The following PLCG1 variants were observed in gnomAD, a reference collection of about 807,000 sequenced individuals.
PLCG1 encodes 1-phosphatidylinositol 4,5-bisphosphate phosphodiesterase gamma-1.
In PLCG1, 71 loss-of-function variants were observed where a neutral mutation model predicts 177.8. The observed-to-expected ratio is 0.40, with a 90% CI of 0.33 to 0.49. The LOEUF (loss-of-function observed/expected upper bound fraction) is 0.49, where lower values mean the gene tolerates loss of function less well. Ranked by LOEUF, PLCG1 falls within the 20% of genes least tolerant of loss-of-function variation. The probability of loss-of-function intolerance (pLI) is 0.72; values close to 1 mark genes in which losing one functional copy is unlikely to be tolerated. For synonymous variants in PLCG1, 658 were observed against 647.9 expected (o/e 1.02, Z -0.24); for missense variants, 1,281 against 1,709.0 (o/e 0.75, Z 4.42).
chr20:41,168,700 T>C (rs2035786976), intron 20 of PLCG1, 67 bp from the exon 21 acceptor site: 2 of 949,246 alleles, frequency 2.1e-6, no homozygotes, highest in Admixed American at 1.9e-5. Flanking sequence ...TGTGTGCACA[T>C]GAAGCCCCAG....
chr20:41,166,832 G>C lies in PLCG1; in HGVS notation c.2274G>C (p.Glu758Asp). 6.2e-7 allele frequency: 1 copy of C among 1,614,158 alleles called. No individual in the cohort carries two copies. Among genetic ancestry groups the C allele is most frequent in the Non-Finnish European group, 8.5e-7 (1 of 1,180,040 alleles). ...RKMKLRYPIN[E>D]EALEKIGTAE... Reference sequence around the variant, plus strand: ...TGAAGCTGCGCTATCCCATCAACGAGGAGGCACTGGAGAAGATTGGCACAG... The same window carrying C: ...TGAAGCTGCGCTATCCCATCAACGACGAGGCACTGGAGAAGATTGGCACAG... The change falls in exon 19 of 32, where the codon GAG becomes GAC. Residue 758 changes from glutamate to aspartate, a missense_variant. By Grantham distance (45) the Glu-to-Asp change is conservative. This residue lies in a region of PLCG1 where 723 missense variants were observed against 1,030.0 expected (regional missense o/e 0.70). Coordinates refer to ENST00000685551, the MANE Select transcript of PLCG1 (RefSeq NM_002660.3). This position sits in a 1 kb window ranked among gnomAD's most constrained non-coding sequence, Gnocchi z 8.6.
chr20:41,148,312 C>T lies in PLCG1; in HGVS notation c.217+10454C>T, dbSNP rs1277628149. On this transcript the variant is annotated intron_variant, in intron 1 of 31. Transcript: ENST00000685551. The surrounding 1 kb of genome is among the most constrained non-coding windows in gnomAD (Gnocchi z 4.3). The stretch of plus-strand genomic sequence containing the variant: ...AGTGGCAGAGGGGAAGGCCTCTATT[C>T]TCCCTTTCCCACTTGTCTCCCTACC... Among the ~76,000 whole-genome samples, 1 of 152,182 alleles carries T rather than the reference C, an allele frequency of 6.6e-6. No individual in the cohort carries two copies. The highest frequency in any genetic ancestry group is 1.9e-4 in the East Asian group (1 of 5,204).
At chr20:41,168,540 G>A (rs2035780819) in intron 20 of PLCG1, among the ~76,000 whole-genome samples, 5 of 152,224 alleles carry the variant, frequency 3.3e-5, no homozygotes, top group Admixed American at 3.3e-4. Flanking sequence ...GGGTCCCGAG[G>A]TATTTCACTG....
intron 1 of PLCG1, among the ~76,000 whole-genome samples, chr20:41,143,199 T>C (rs140939188): frequency 6.6e-6 from 1 of 152,342 alleles, no homozygotes; most frequent in African/African-American, 2.4e-5. Flanking sequence ...GGAAGTGCTC[T>C]AATGCCACAG....
chr20:41,167,715 C>A lies in PLCG1; in HGVS notation c.2302-137C>A. 1 of 668,108 alleles carries A rather than the reference C, an allele frequency of 1.5e-6. No individual in the cohort carries two copies. The highest frequency in any genetic ancestry group is 1.7e-5 in the South Asian group (1 of 57,702). The allele number at this position is 668,108 out of a possible 1,614,324, so 41.4% of individuals were successfully genotyped here. On this transcript the variant is annotated intron_variant, in intron 19 of 31. Transcript: ENST00000685551. This position sits in a 1 kb window ranked among gnomAD's most constrained non-coding sequence, Gnocchi z 4.4. ...CCTGAGGCCTCTGAAGCCGTCTCTA[C>A]TGAGGTCGAAGGATCCCTGTGGATC...
In PLCG1 at chr20:41,164,330, T is replaced by C. The variant is rs1421895998; in HGVS notation, c.1217+129T>C. 1.1e-6 allele frequency: 1 copy of C among 916,286 alleles called. No individual in the cohort carries two copies. Among genetic ancestry groups the C allele is most frequent in the Non-Finnish European group, 1.7e-6 (1 of 596,818 alleles). The allele number at this position is 916,286 out of a possible 1,614,324, so 56.8% of individuals were successfully genotyped here. ...CTCAGCCTTTCATCTTTGTCCTTCC[T>C]CTTGGCCTCTCCTCGTCACCTGCTC... On this transcript the variant is annotated intron_variant, in intron 12 of 31. Transcript: ENST00000685551. This position sits in a 1 kb window ranked among gnomAD's most constrained non-coding sequence, Gnocchi z 6.4.
chr20:41,168,632 G>C (rs921789328), intron 20 of PLCG1, 135 bp from the exon 21 acceptor site: 1 of 634,996 alleles, frequency 1.6e-6, no homozygotes, highest in Middle Eastern at 3.9e-4. Flanking sequence ...AGGGCCTGTT[G>C]ATGGCAGTGT....
chr20:41,171,480 G>A (rs948568934), intron 24 of PLCG1, among the ~76,000 whole-genome samples: 6 of 151,590 alleles, frequency 4.0e-5, no homozygotes, highest in East Asian at 1.9e-4. Context: ...CCAGCTACTC[G>A]GGAGGCTGAG....
In PLCG1 at chr20:41,164,780, C is replaced by T. The variant is rs1208534264; in HGVS notation, c.1218-153C>T. The stretch of plus-strand genomic sequence containing the variant: ...CCACAGCTGTAGAACCCCTCTCTGC[C>T]CCACCAGTGGCTATGGCCTGCCTCT... On this transcript the variant is annotated intron_variant, in intron 12 of 31. Transcript: ENST00000685551. The surrounding 1 kb of genome is among the most constrained non-coding windows in gnomAD (Gnocchi z 6.4). Among the ~76,000 whole-genome samples the T allele has an allele frequency of 6.6e-6, 1 of 152,208 alleles. No homozygotes were observed. The highest frequency in any genetic ancestry group is 1.5e-5 in the Non-Finnish European group (1 of 68,042).
intron 1 of PLCG1, among the ~76,000 whole-genome samples, chr20:41,145,272 C>G (rs1049768440): frequency 6.6e-6 from 1 of 152,138 alleles, no homozygotes; most frequent in African/African-American, 2.4e-5. Context: ...CCTGAACACC[C>G]TGGGCAAACT....
Position 41,137,665 on chromosome 20 carries a change from C to A in PLCG1, c.24C>A (p.Cys8Ter), listed in dbSNP as rs1183232213. 7.6e-7 allele frequency: 1 copy of A among 1,320,928 alleles called. No homozygotes were observed. The highest frequency in any genetic ancestry group is 9.7e-7 in the Non-Finnish European group (1 of 1,035,190). 81.8% of individuals were successfully genotyped at this position (1,320,928 alleles called of 1,614,324 possible). Residue 8 changes from cysteine to a stop codon, truncating the protein, a stop_gained, in exon 1 of 32, where the codon TGC becomes TGA. Transcript: ENST00000685551. LOFTEE classifies it high-confidence loss of function. This position sits in a 1 kb window ranked among gnomAD's most constrained non-coding sequence, Gnocchi z 7.3. ...CCATGGCGGGCGCCGCGTCCCCTTG[C>A]GCCAACGGCTGCGGGCCCGGCGCGC... MAGAASPCANGCGPGAPS... is the reference protein window; with the variant it reads MAGAASP
chr20:41,152,306 T>G (rs2035189835), intron 1 of PLCG1, among the ~76,000 whole-genome samples: 1 of 152,224 alleles, frequency 6.6e-6, no homozygotes, highest in African/African-American at 2.4e-5. Flanking sequence ...TCCTGCTGCT[T>G]TTACTGTTTT....
Position 41,167,662 on chromosome 20 carries a change from AGAAAG to A in PLCG1, c.2302-183_2302-179del, listed in dbSNP as rs1211235226. ...CTGGGCCTTACATGTAAGAATGTGA[AGAAAG>A]GAAAGGGAACAGTGAGGCCGGGCCT... On this transcript the variant is annotated intron_variant, in intron 19 of 31. Transcript: ENST00000685551. The surrounding 1 kb of genome is among the most constrained non-coding windows in gnomAD (Gnocchi z 4.4). The A allele has an allele frequency of 1.7e-5, 10 of 589,930 alleles. No individual in the cohort carries two copies. Among genetic ancestry groups the A allele is most frequent in the Middle Eastern group, 4.5e-4 (1 of 2,246 alleles). 36.5% of individuals were successfully genotyped at this position (589,930 alleles called of 1,614,324 possible). A position where few individuals can be genotyped will look rare whatever the true frequency, so the allele number is the denominator to read the frequency against.
chr20:41,152,205 G>C (rs2035186607), intron 1 of PLCG1, among the ~76,000 whole-genome samples: 1 of 152,190 alleles, frequency 6.6e-6, no homozygotes, highest in Non-Finnish European at 1.5e-5. Context: ...TCATTTTGGA[G>C]ATCTACACAC....
In PLCG1 at chr20:41,172,830, G is replaced by A; in HGVS notation, c.3232G>A (p.Asp1078Asn). The part of the protein sequence containing the change: ...TMRDEAFDPF[D>N]KSSLRGLEPC... ...GCGGGATGAGGCCTTCGACCCCTTT[G>A]ACAAGAGCAGCCTCCGCGGGCTGGA... The change falls in exon 27 of 32, where the codon GAC (aspartate) becomes AAC (asparagine). Residue 1078 changes from aspartate (D) to asparagine (N), a missense_variant. By Grantham distance (23) the Asp-to-Asn change is conservative (BLOSUM62 1). Coordinates refer to ENST00000685551, the MANE Select transcript of PLCG1 (RefSeq NM_002660.3). The surrounding 1 kb of genome is among the most constrained non-coding windows in gnomAD (Gnocchi z 7.0). 1 of 1,614,196 alleles carries A rather than the reference G, an allele frequency of 6.2e-7. No homozygotes were observed. The highest frequency in any genetic ancestry group is 8.5e-7 in the Non-Finnish European group (1 of 1,180,046).
chr20:41,156,102 T>TATAC lies in PLCG1; in HGVS notation c.218-3502_218-3499dup, dbSNP rs1555812561. On this transcript the variant is annotated intron_variant, in intron 1 of 31. Transcript: ENST00000685551. This position sits in a 1 kb window ranked among gnomAD's most constrained non-coding sequence, Gnocchi z 5.0. Reference sequence around the variant, plus strand: ...CTCAGTCCTCAGAGCTGACATGTGATATACAGTCCAGGCACAGGTGTGTGT... The same window carrying TATAC: ...CTCAGTCCTCAGAGCTGACATGTGATATACATACAGTCCAGGCACAGGTGTGTGT... Among the ~76,000 whole-genome samples the TATAC allele has an allele frequency of 1.3e-5, 2 of 152,204 alleles. No individual in the cohort carries two copies. Among genetic ancestry groups the TATAC allele is most frequent in the African/African-American group, 4.8e-5 (2 of 41,452 alleles).
At chr20:41,149,806 T>A (rs985879269) in intron 1 of PLCG1, among the ~76,000 whole-genome samples, 6 of 152,164 alleles carry the variant, frequency 3.9e-5, no homozygotes, top group African/African-American at 1.4e-4. Flanking sequence ...CCAGGCAAGG[T>A]TGTGCAGGAG....
Position 41,159,874 on chromosome 20 carries a change from A to T in PLCG1, c.375A>T (p.Thr125=), listed in dbSNP as rs1446693886. The part of the protein sequence containing the change: ...FRLKTLSLQA[T]SEDEVNMWIK... Reference sequence around the variant, plus strand: ...CTATTGATACCTTGCTCACAGCCACATCTGAGGATGAAGTGAACATGTGGA... The same window carrying T: ...CTATTGATACCTTGCTCACAGCCACTTCTGAGGATGAAGTGAACATGTGGA... The change falls in exon 3 of 32, where the codon ACA becomes ACT. Residue 125 remains threonine, a synonymous_variant. Transcript: ENST00000685551. The surrounding 1 kb of genome is among the most constrained non-coding windows in gnomAD (Gnocchi z 6.0). The T allele has an allele frequency of 6.2e-7, 1 of 1,614,102 alleles. No individual in the cohort carries two copies. The highest frequency in any genetic ancestry group is 2.2e-5 in the East Asian group (1 of 44,884).
chr20:41,164,879 T>C lies in PLCG1; in HGVS notation c.1218-54T>C, dbSNP rs1938658583. ...CAACAGCTCACTGTGAGGGGCTACT[T>C]AGACCCAGAGAATTGCAGAATCTGT... On this transcript the variant is annotated intron_variant, in intron 12 of 31. Transcript: ENST00000685551. The surrounding 1 kb of genome is among the most constrained non-coding windows in gnomAD (Gnocchi z 6.4). The C allele has an allele frequency of 6.4e-7, 1 of 1,566,424 alleles. No individual in the cohort carries two copies. The highest frequency in any genetic ancestry group is 8.7e-7 in the Non-Finnish European group (1 of 1,147,000).
Sources: allele counts gnomAD v4.1 joint callset (sites outside exome capture counted in the v4.1 genomes callset), GRCh38; gene constraint gnomAD v4.1.1; regional missense constraint gnomAD v4.1.1; non-coding constraint Gnocchi (gnomAD v3.1); transcripts MANE v1.5; gene names NCBI Gene and HGNC (gene_info 2026-07-23, HGNC 2026-07-21).